Variants in CCSER2 observed in about 807,000 individuals in gnomAD.
CCSER2 encodes the protein coiled-coil serine rich protein 2, also known as serine-rich coiled-coil domain-containing protein 2.
A neutral mutation model predicts 92.3 loss-of-function variants in CCSER2; 46 were observed. That is an observed-to-expected ratio of 0.50 (90% confidence interval 0.39 to 0.64). The LOEUF (loss-of-function observed/expected upper bound fraction) is 0.64. Among genes scored for constraint, CCSER2 ranks in the 30% least tolerant of loss-of-function variants. The pLI is 0.00. For missense variants in CCSER2, 1,244 were observed against 1,238.9 expected, an observed-to-expected ratio of 1.00 and a Z score of -0.06; for synonymous variants, 433 against 431.4, an observed-to-expected ratio of 1.00 and a Z score of -0.04.
At chr10:84,351,394 G>A (rs1235799060) in intron 1 of CCSER2, among the ~76,000 whole-genome samples, 3 of 152,112 alleles carry the variant, frequency 2.0e-5, no homozygotes, top group Non-Finnish European at 2.9e-5. Flanking sequence ...ACCATGTCTG[G>A]CTGATTTTTG....
At chr10:84,428,378 G>A (rs959233752) in intron 5 of CCSER2, among the ~76,000 whole-genome samples, 1 of 152,090 alleles carries the variant, frequency 6.6e-6, no homozygotes, top group African/African-American at 2.4e-5. Flanking sequence ...TAATGCTGCC[G>A]CTGATACGAC....
Position 84,408,318 on chromosome 10 carries a change from C to T in CCSER2, c.1615-9453C>T, listed in dbSNP as rs570599509. Among the ~76,000 whole-genome samples, 26 of 152,202 alleles carry T rather than the reference C, an allele frequency of 1.7e-4. No individual in the cohort carries two copies. In the South Asian group the frequency reaches 4.8e-3, roughly 28 times the overall value. On this transcript the variant is annotated intron_variant, in intron 3 of 9. Coordinates refer to ENST00000372088, the MANE Select transcript of CCSER2 (RefSeq NM_001284240.2). ...ATATGTAATCTGCTTATTTTCTTCT[C>T]CCCCATTTTACAGAGTGGATCTTTA...
intron 1 of CCSER2, among the ~76,000 whole-genome samples, chr10:84,363,003 ATT>A (rs762145500): frequency 7.2e-6 from 1 of 138,810 alleles, no homozygotes. Context: ...CGCCCAGCTA[ATT>A]TTTTTTTTTT....
At chr10:84,418,082 T>C (rs753336300) in intron 4 of CCSER2, among the ~76,000 whole-genome samples, 2 of 152,208 alleles carry the variant, frequency 1.3e-5, no homozygotes, top group Admixed American at 6.5e-5. Context: ...TCCAATAACA[T>C]TGTATACCAT....
At chr10:84,384,367 A>G (rs1031374503) in intron 3 of CCSER2, among the ~76,000 whole-genome samples, 1 of 152,216 alleles carries the variant, frequency 6.6e-6, no homozygotes, top group African/African-American at 2.4e-5. Context: ...CACACATGCA[A>G]AAGTCTTCAA....
At chr10:84,482,622 A>G (rs1174885747) in intron 9 of CCSER2, among the ~76,000 whole-genome samples, 1 of 152,216 alleles carries the variant, frequency 6.6e-6, no homozygotes, top group Non-Finnish European at 1.5e-5. Flanking sequence ...TACCTTTTGT[A>G]GTCCATTTGT....
chr10:84,329,178 AT>A (rs926932500), intron 1 of CCSER2, among the ~76,000 whole-genome samples: 46 of 150,316 alleles, frequency 3.1e-4, no homozygotes, highest in Admixed American at 6.0e-4. Flanking sequence ...AATGAGTTCG[AT>A]TTTTTTTTTC....
chr10:84,508,903 A>G, intron 9 of CCSER2, among the ~76,000 whole-genome samples: 1 of 152,370 alleles, frequency 6.6e-6, no homozygotes, highest in East Asian at 1.9e-4. Context: ...AGGAAGTCCT[A>G]TGCTAAATGT....
chr10:84,476,365 A>G (rs144400002), intron 8 of CCSER2, among the ~76,000 whole-genome samples: 73 of 147,940 alleles, frequency 4.9e-4, no homozygotes, highest in African/African-American at 1.7e-3. Flanking sequence ...AAGTATATCT[A>G]CCTCCAGTGA....
chr10:84,347,102 G>A (rs1448249433), intron 1 of CCSER2, among the ~76,000 whole-genome samples: 4 of 152,208 alleles, frequency 2.6e-5, no homozygotes, highest in Non-Finnish European at 5.9e-5. Flanking sequence ...TTGCGGGTAA[G>A]GTCATAGATC....
rs2131899311 is a variant in CCSER2 at position 84,516,906 on chromosome 10, A to G, written c.*2639A>G. 6.6e-6 allele frequency: 1 copy of G among 152,246 alleles called. No individual in the cohort carries two copies. The highest frequency in any genetic ancestry group is 2.1e-4 in the South Asian group (1 of 4,820). 9.4% of individuals were successfully genotyped at this position (152,246 alleles called of 1,614,324 possible). ...CTAGGATGCTTGCATGACATAAAGT[A>G]TTTGCCTGCAGTTTTCATTAAAAAC... is the stretch of plus-strand genomic sequence containing the variant. On this transcript the variant is annotated 3_prime_UTR_variant, in exon 10 of 10. Transcript: ENST00000372088.
chr10:84,422,822 GGCAT>G (rs1187620551), intron 4 of CCSER2, among the ~76,000 whole-genome samples: 3 of 152,192 alleles, frequency 2.0e-5, no homozygotes, highest in Admixed American at 2.0e-4. Context: ...GGGAGGCCAA[GGCAT>G]GTGGATCACT....
intron 1 of CCSER2, among the ~76,000 whole-genome samples, chr10:84,342,119 C>T (rs894849304): frequency 1.3e-5 from 2 of 152,182 alleles, no homozygotes; most frequent in East Asian, 3.9e-4. Context: ...TACTCATGCT[C>T]TGGTCTTTCT....
rs1435120122 is a variant in CCSER2, at chr10:84,517,025, A to T, written c.*2758A>T. On this transcript the variant is annotated 3_prime_UTR_variant, in exon 10 of 10. Coordinates refer to ENST00000372088, the MANE Select transcript of CCSER2 (RefSeq NM_001284240.2). ...CTACTGAATAATCAAAGATCATCTT[A>T]GATTTGGCTTGATCTGTGTTTATTG... 6.6e-6 allele frequency: 1 copy of T among 152,242 alleles called. No homozygotes were observed. The highest frequency in any genetic ancestry group is 1.5e-5 in the Non-Finnish European group (1 of 68,040). 9.4% of individuals were successfully genotyped at this position (152,242 alleles called of 1,614,324 possible). A position where few individuals can be genotyped will look rare whatever the true frequency, so the allele number is the denominator to read the frequency against.
intron 9 of CCSER2, among the ~76,000 whole-genome samples, chr10:84,483,545 A>G (rs1281258232): frequency 6.6e-6 from 1 of 152,130 alleles, no homozygotes; most frequent in Non-Finnish European, 1.5e-5. Context: ...ATAATTTCCA[A>G]AGGAGACAGA....
At chr10:84,505,754 C>G (rs1318247973) in intron 9 of CCSER2, among the ~76,000 whole-genome samples, 1 of 152,002 alleles carries the variant, frequency 6.6e-6, no homozygotes, top group Non-Finnish European at 1.5e-5. Context: ...AACTCATGGT[C>G]CAATAGGCCT....
Position 84,438,640 on chromosome 10 carries a change from G to T in CCSER2, c.1997G>T (p.Arg666Leu). 1 of 1,613,728 alleles carries T rather than the reference G, an allele frequency of 6.2e-7. No individual in the cohort carries two copies. The highest frequency in any genetic ancestry group is 8.5e-7 in the Non-Finnish European group (1 of 1,179,798). Reference sequence around the variant, plus strand: ...GTGATACTGGATGAGATGACCCTTCGGCACATGGTTCAGGATTGCACTGCT... The same window carrying T: ...GTGATACTGGATGAGATGACCCTTCTGCACATGGTTCAGGATTGCACTGCT... ...NTVILDEMTLRHMVQDCTAVK... is the reference protein window; with the variant it reads ...NTVILDEMTLLHMVQDCTAVK... Residue 666 changes from arginine to leucine, a missense_variant, in exon 6 of 10, where the codon CGG becomes CTG. Transcript: ENST00000372088.
intron 6 of CCSER2, chr10:84,455,648 A>G (rs898690084): frequency 6.0e-6 from 4 of 666,746 alleles, no homozygotes; most frequent in Non-Finnish European, 8.5e-6. Flanking sequence ...TTCCACAGAA[A>G]TGAGTTTCAG....
chr10:84,424,699 A>G (rs1466291014), intron 4 of CCSER2, among the ~76,000 whole-genome samples: 1 of 151,798 alleles, frequency 6.6e-6, no homozygotes, highest in Admixed American at 6.6e-5. Flanking sequence ...GTTGATTTTT[A>G]TAGCTTTTTA....
Sources: gnomAD v4.1 joint callset for allele counts (sites outside exome capture counted in the v4.1 genomes callset) on GRCh38, gnomAD v4.1.1 for gene constraint, MANE v1.5 for transcripts, NCBI Gene and HGNC (gene_info 2026-07-23, HGNC 2026-07-21) for gene names.